Variants in MAPK10 observed in about 807,000 individuals in gnomAD.
The protein encoded by MAPK10 is mitogen-activated protein kinase 10.
In MAPK10, 25 loss-of-function variants were observed where a neutral mutation model predicts 59.3. That is an observed-to-expected ratio of 0.42 (90% CI 0.31 to 0.59). The LOEUF (loss-of-function observed/expected upper bound fraction) is 0.59, where lower values mean the gene tolerates loss of function less well. MAPK10 is among the 20% of genes least tolerant of loss of function. MAPK10 has a pLI of 0.15. For missense variants in MAPK10, 351 were observed against 568.9 expected (o/e 0.62, Z 3.90); for synonymous variants, 190 against 200.5 (o/e 0.95, Z 0.44).
At position 86,214,268 on chromosome 4, in the gene MAPK10, G is replaced by A. The variant is rs112738258; in HGVS notation, c.-6-19861C>T. 3.6e-4 allele frequency among the ~76,000 whole-genome samples: 54 copies of A among 151,818 alleles called. No homozygotes were observed. In the Middle Eastern group the frequency reaches 0.01, roughly 29 times the overall value. ...AAGAACCATATATGAAAAACTCATC[G>A]TGAACATCATACTCAATTGTGAAAG... is the stretch of plus-strand genomic sequence containing the variant. On this transcript the variant is annotated intron_variant, in intron 2 of 13. Coordinates refer to ENST00000641462, the MANE Select transcript of MAPK10 (RefSeq NM_138982.4).
At chr4:86,428,054 G>A (rs1747531765) in intron 1 of MAPK10, among the ~76,000 whole-genome samples, 2 of 152,094 alleles carry the variant, frequency 1.3e-5, no homozygotes, top group Admixed American at 6.5e-5. Flanking sequence ...ATTGAGCTCA[G>A]CAGATGAGGT....
At chr4:86,511,794 AAAGGAAGGAAGGAAGGAAAC>A (rs1311244234) in intron 1 of MAPK10, among the ~76,000 whole-genome samples, 2 of 149,554 alleles carry the variant, frequency 1.3e-5, no homozygotes, top group Admixed American at 6.7e-5. Flanking sequence ...GAGAAGAAGA[AAAGGAAGGAAGGAAGGAAAC>A]AAGGAAGGAA....
chr4:86,366,090 T>A (rs879347148), intron 1 of MAPK10, among the ~76,000 whole-genome samples: 2 of 152,122 alleles, frequency 1.3e-5, no homozygotes, highest in Non-Finnish European at 2.9e-5. Flanking sequence ...TACTGAAACA[T>A]GCAACAATAC....
chr4:86,122,568 T>A (rs973864336), intron 4 of MAPK10, among the ~76,000 whole-genome samples: 1 of 152,144 alleles, frequency 6.6e-6, no homozygotes, highest in Non-Finnish European at 1.5e-5. Flanking sequence ...AGCTCTGCTC[T>A]CTTTCATCTG....
chr4:86,044,613 A>T (rs1579082356), intron 11 of MAPK10: 1 of 395,850 alleles, frequency 2.5e-6, no homozygotes. Flanking sequence ...TATATCATAT[A>T]CTATGATTTT....
chr4:86,515,929 T>C (rs1469121385), intron 1 of MAPK10, among the ~76,000 whole-genome samples: 1 of 152,098 alleles, frequency 6.6e-6, no homozygotes, highest in Non-Finnish European at 1.5e-5. Flanking sequence ...CATTTGCTTT[T>C]GGGTTCTTGG....
At chr4:86,261,460 C>G (rs1456970582) in intron 2 of MAPK10, among the ~76,000 whole-genome samples, 1 of 152,156 alleles carries the variant, frequency 6.6e-6, no homozygotes, top group Non-Finnish European at 1.5e-5. Context: ...TAATTAGAAG[C>G]ATAATGTGTG....
intron 1 of MAPK10, among the ~76,000 whole-genome samples, chr4:86,565,320 C>T (rs78457973): frequency 0.033 from 5,084 of 152,126 alleles, 273 homozygotes; most frequent in African/African-American, 0.11. Flanking sequence ...TAAAAGTTTC[C>T]AATTCCACCA....
At chr4:86,194,087 A>C in intron 3 of MAPK10, 1 of 467,602 alleles carries the variant, frequency 2.1e-6, no homozygotes. Flanking sequence ...CCACTCTCTA[A>C]CCTTTCCCAG....
At chr4:86,590,751 A>ACT (rs1338516634) in intron 1 of MAPK10, among the ~76,000 whole-genome samples, 1 of 151,986 alleles carries the variant, frequency 6.6e-6, no homozygotes, top group African/African-American at 2.4e-5. Context: ...ACACTACTAC[A>ACT]CTCCAGCCTG....
chr4:86,540,971 C>T (rs1247450210), intron 1 of MAPK10, among the ~76,000 whole-genome samples: 1 of 152,168 alleles, frequency 6.6e-6, no homozygotes, highest in Non-Finnish European at 1.5e-5. Context: ...TGTTAGATTT[C>T]CTACATGAAA....
intron 2 of MAPK10, among the ~76,000 whole-genome samples, chr4:86,315,604 C>A (rs1327672324): frequency 1.3e-5 from 2 of 152,006 alleles, no homozygotes; most frequent in African/African-American, 2.4e-5. Context: ...CTAAACCCAA[C>A]AATGTAAACA....
intron 9 of MAPK10, chr4:86,082,270 T>G (rs2050822371): frequency 6.6e-6 from 1 of 152,314 alleles, no homozygotes; most frequent in Non-Finnish European, 1.5e-5. Context: ...GTCTATTTTT[T>G]AACCTGAGTG....
At chr4:86,194,628 C>T (rs1170375510) in intron 2 of MAPK10, among the ~76,000 whole-genome samples, 1 of 151,782 alleles carries the variant, frequency 6.6e-6, no homozygotes, top group Non-Finnish European at 1.5e-5. Context: ...TTCCATCACA[C>T]TCATAAAGAT....
intron 8 of MAPK10, 40 bp downstream of exon 8, chr4:86,101,012 C>T (rs779338252): frequency 6.3e-7 from 1 of 1,591,232 alleles, no homozygotes; most frequent in South Asian, 1.1e-5. Context: ...GCACCCGTTT[C>T]ATTCATGGTT....
chr4:86,457,008 T>G (rs1293901967), upstream of MAPK10, among the ~76,000 whole-genome samples: 1 of 152,046 alleles, frequency 6.6e-6, no homozygotes, highest in African/African-American at 2.4e-5. Flanking sequence ...TTAACATACA[T>G]AAGTCAATAA....
At chr4:86,040,596 G>T (rs1008782438) in intron 11 of MAPK10, among the ~76,000 whole-genome samples, 1 of 152,060 alleles carries the variant, frequency 6.6e-6, no homozygotes, top group African/African-American at 2.4e-5. Flanking sequence ...CATATCTTGG[G>T]AAAGACATAT....
Position 86,468,019 on chromosome 4 carries a change from G to A in MAPK10, c.-262-113375C>T, listed in dbSNP as rs148752510. 2.9e-3 allele frequency among the ~76,000 whole-genome samples: 448 copies of A among 152,254 alleles called. 6 individuals carry two copies. The highest frequency in any genetic ancestry group is 0.01 in the African/African-American group (420 of 41,550). Reference sequence around the variant, plus strand: ...GATTAGCTGAACTGCTTGCCCCGCCGGTCGGCCAGAACAAAATGCTTGCTA... The same window carrying A: ...GATTAGCTGAACTGCTTGCCCCGCCAGTCGGCCAGAACAAAATGCTTGCTA... On this transcript the variant is annotated intron_variant, in intron 1 of 4. Transcript: ENST00000502302.
At chr4:86,254,719 C>T (rs1371114647) in intron 2 of MAPK10, among the ~76,000 whole-genome samples, 2 of 146,978 alleles carry the variant, frequency 1.4e-5, no homozygotes, top group East Asian at 4.0e-4. Flanking sequence ...AGTTCAATTC[C>T]TGGGTATCCT....
Sources: allele counts gnomAD v4.1 joint callset (sites outside exome capture counted in the v4.1 genomes callset), GRCh38; gene constraint gnomAD v4.1.1; transcripts MANE v1.5; gene names NCBI Gene and HGNC (gene_info 2026-07-23, HGNC 2026-07-21).